Variants in STAG2 observed in about 807,000 individuals in gnomAD.
The protein encoded by STAG2 is cohesin subunit SA-2.
STAG2 carries 14 observed loss-of-function variants against 108.1 expected under a neutral mutation model. That is an observed-to-expected ratio of 0.13 (90% confidence interval 0.09 to 0.20). The LOEUF is 0.20. STAG2 is among the 10% of genes least tolerant of loss of function. STAG2 has a pLI of 1.00. For missense variants in STAG2, 440 were observed against 940.9 expected (o/e 0.47, Z 6.96); for synonymous variants, 307 against 302.7 (o/e 1.01, Z -0.15).
intron 20 of STAG2, among the ~76,000 whole-genome samples, chrX:124,065,427 A>G (rs995031319): frequency 1.8e-5 from 2 of 111,567 alleles, no homozygotes; most frequent in Non-Finnish European, 3.8e-5. Context: ...TGGGACCAGC[A>G]TATCTAGTCA....
Position 124,086,680 on chromosome X carries a change from A to G in STAG2, c.3187A>G (p.Ile1063Val). The stretch of plus-strand genomic sequence containing the variant: ...TGACACCATGTCAGTCATTAGTGGA[A>G]TCAGCAGCCGGGGGTCAACAGTACG... ...DDDTMSVISG[I>V]SSRGSTVRSK... Residue 1063 changes from isoleucine to valine, a missense_variant, in exon 30 of 35, where the codon ATC (isoleucine) becomes GTC (valine). Ile to Val is a conservative substitution (Grantham distance 29). This residue lies in a region of STAG2 where 337 missense variants were observed against 649.3 expected (regional missense o/e 0.52). Transcript: ENST00000371145. 1.7e-6 allele frequency: 2 copies of G among 1,211,713 alleles called. No homozygotes were observed. The highest frequency in any genetic ancestry group is 2.2e-6 in the Non-Finnish European group (2 of 895,463).
Position 124,083,995 on chromosome X carries a change from C to G in STAG2, c.3053+446C>G, listed in dbSNP as rs143410075. Among the ~76,000 whole-genome samples the G allele has an allele frequency of 3.5e-3, 390 of 111,500 alleles. 1 individual carries two copies. Among genetic ancestry groups the G allele is most frequent in the African/African-American group, 0.012 (360 of 30,727 alleles). On this transcript the variant is annotated intron_variant, in intron 29 of 34. Coordinates refer to ENST00000371145, the MANE Select transcript of STAG2 (RefSeq NM_001042750.2). ...AGCATTTGAAAAAGAATAATAAAGG[C>G]AATCCATCAGGAACATCCTTTAATT...
chrX:124,098,271 G>GTT (rs759574520), intron 34 of STAG2, among the ~76,000 whole-genome samples: 2 of 111,279 alleles, frequency 1.8e-5, no homozygotes, highest in Admixed American at 1.9e-4. Context: ...TATAACTGTA[G>GTT]TTTTATAGCA....
At chrX:124,029,634 T>G (rs2057270377) in intron 4 of STAG2, among the ~76,000 whole-genome samples, 1 of 112,325 alleles carries the variant, frequency 8.9e-6, no homozygotes, top group African/African-American at 3.2e-5. Context: ...TAAATAGTTT[T>G]AAAAATAAAG....
intron 1 of STAG2, among the ~76,000 whole-genome samples, chrX:124,013,811 C>CAG (rs1346931887): frequency 2.7e-5 from 3 of 111,145 alleles, no homozygotes; most frequent in Non-Finnish European, 5.7e-5. Flanking sequence ...AGGAACATGT[C>CAG]AGACGGGGTA....
intron 7 of STAG2, 122 bp from the exon 8 acceptor site, chrX:124,045,042 A>G: frequency 1.7e-6 from 1 of 580,214 alleles, no homozygotes; most frequent in Non-Finnish European, 2.8e-6. Context: ...TTGAGGATTT[A>G]TTGGAGAAGA....
chrX:124,096,901 G>A (rs183748651), intron 34 of STAG2, among the ~76,000 whole-genome samples: 207 of 112,364 alleles, frequency 1.8e-3, no homozygotes, highest in Non-Finnish European at 3.1e-3. Context: ...CCAAGGGGCC[G>A]GGCTCAGTGG....
chrX:124,089,619 T>A (rs773472371), intron 30 of STAG2, among the ~76,000 whole-genome samples: 15 of 111,061 alleles, frequency 1.4e-4, no homozygotes, highest in Non-Finnish European at 2.3e-4. Context: ...TTAAGTTCAC[T>A]CCCCACACTG....
At chrX:123,994,921 G>GT (rs1372339423) in intron 1 of STAG2, among the ~76,000 whole-genome samples, 1 of 112,139 alleles carries the variant, frequency 8.9e-6, no homozygotes, top group Non-Finnish European at 1.9e-5. Flanking sequence ...TATTACTTGC[G>GT]TAAGTATTTT....
intron 1 of STAG2, among the ~76,000 whole-genome samples, chrX:123,985,334 A>T (rs1375891480): frequency 3.6e-5 from 4 of 110,711 alleles, no homozygotes; most frequent in African/African-American, 9.8e-5. Context: ...TGCCCAAGGG[A>T]TCCTCCTGCC....
At chrX:124,064,789 C>T (rs1260123637) in intron 20 of STAG2, among the ~76,000 whole-genome samples, 3 of 111,213 alleles carry the variant, frequency 2.7e-5, no homozygotes, top group African/African-American at 9.8e-5. Flanking sequence ...TTATTATAGC[C>T]GCTGCTACTG....
chrX:124,074,451 C>T (rs2058750475), intron 25 of STAG2, among the ~76,000 whole-genome samples: 1 of 112,152 alleles, frequency 8.9e-6, no homozygotes, highest in Non-Finnish European at 1.9e-5. Flanking sequence ...TAGTGTATAC[C>T]TGAGTGGAAT....
Position 124,081,523 on chromosome X carries a change from A to G in STAG2, c.2919A>G (p.Leu973=). The part of the protein sequence containing the change: ...QLKTREAIAM[L]HKDGIEFAFK... ...AAACAAGAGAAGCCATTGCCATGCT[A>G]CACAAGTAATCTCCAGATATTTTAT... The change falls in exon 28 of 35, where the codon CTA becomes CTG. Residue 973 remains leucine (L), a synonymous_variant. Coordinates refer to ENST00000371145, the MANE Select transcript of STAG2 (RefSeq NM_001042750.2). The G allele has an allele frequency of 8.6e-7, 1 of 1,168,687 alleles. No homozygotes were observed. The highest frequency in any genetic ancestry group is 3.1e-5 in the East Asian group (1 of 32,412).
At position 124,039,662 on chromosome X, in the gene STAG2, A is replaced by AT. The variant is rs1162915772; in HGVS notation, c.385+2048dup. Among the ~76,000 whole-genome samples the AT allele has an allele frequency of 1.9e-3, 157 of 81,474 alleles. 2 individuals carry two copies. In the East Asian group the frequency reaches 0.054, roughly 28 times the overall value. 70.8% of individuals were successfully genotyped at this position (81,474 alleles called of 115,157 possible). Reference sequence around the variant, plus strand: ...TTTCTTTTTTTTTTTTTTTAATTTAATTTTTTTTTGTAGAGACAGGTCTTT... The same window carrying AT: ...TTTCTTTTTTTTTTTTTTTAATTTAATTTTTTTTTTGTAGAGACAGGTCTTT... On this transcript the variant is annotated intron_variant, in intron 6 of 34. Transcript: ENST00000371145.
chrX:124,079,894 A>G (rs1396610282), intron 27 of STAG2, among the ~76,000 whole-genome samples: 2 of 109,830 alleles, frequency 1.8e-5, no homozygotes, highest in Non-Finnish European at 3.8e-5. Context: ...ATTAATAAAC[A>G]CTGAACACAT....
At chrX:124,059,503 C>T (rs1410467607) in intron 15 of STAG2, among the ~76,000 whole-genome samples, 1 of 111,902 alleles carries the variant, frequency 8.9e-6, no homozygotes, top group Non-Finnish European at 1.9e-5. Flanking sequence ...AATGCTTCTG[C>T]ATTACTTGAG....
chrX:124,086,640 A>G lies in STAG2; in HGVS notation c.3147A>G (p.Leu1049=), dbSNP rs1204328892. Residue 1049 remains leucine (L), a synonymous_variant, in exon 30 of 35, where the codon CTA becomes CTG. Transcript: ENST00000371145. ...LPLMSYRNSL[L]AGGDDDTMSV... is the part of the protein sequence containing the mutation. The stretch of plus-strand genomic sequence containing the variant: ...TGATGTCTTACCGAAATTCTTTGCT[A>G]GCTGGTGGTGATGATGACACCATGT... The G allele has an allele frequency of 2.8e-5, 34 of 1,209,575 alleles. No individual in the cohort carries two copies. The highest frequency in any genetic ancestry group is 3.7e-5 in the Non-Finnish European group (33 of 894,597).
At chrX:124,026,127 C>T (rs868323314) in intron 4 of STAG2, among the ~76,000 whole-genome samples, 1 of 37,539 alleles carries the variant, frequency 2.7e-5, no homozygotes, top group African/African-American at 1.0e-4. Context: ...TGTAAAGTTG[C>T]AAATAATAAT....
At chrX:124,026,470 G>A (rs1258269094) in intron 4 of STAG2, 3 of 162,844 alleles carry the variant, frequency 1.8e-5, no homozygotes, top group East Asian at 3.7e-4. Context: ...ATAACTTGGC[G>A]AATGGCTAAA....
Sources: gnomAD v4.1 joint callset for allele counts (sites outside exome capture counted in the v4.1 genomes callset) on GRCh38, gnomAD v4.1.1 for gene constraint, gnomAD v4.1.1 regional missense constraint, MANE v1.5 for transcripts, NCBI Gene and HGNC (gene_info 2026-07-23, HGNC 2026-07-21) for gene names.